Variants in NPAS2 observed in about 807,000 individuals in gnomAD.
NPAS2 encodes the protein neuronal PAS domain protein 2.
A neutral mutation model predicts 107.5 loss-of-function variants in NPAS2; 23 were observed. The observed-to-expected ratio is 0.21, with a 90% CI of 0.15 to 0.30. The LOEUF (loss-of-function observed/expected upper bound fraction) is 0.30. NPAS2 is among the 10% of genes least tolerant of loss of function. The probability of loss-of-function intolerance (pLI) is 1.00; values close to 1 mark genes in which losing one functional copy is unlikely to be tolerated. For missense variants in NPAS2, 756 were observed against 1,043.3 expected (o/e 0.72, Z 3.79); for synonymous variants, 403 against 417.5 (o/e 0.97, Z 0.42).
chr2:100,883,693 A>T (rs572203782), intron 1 of NPAS2, among the ~76,000 whole-genome samples: 9 of 152,218 alleles, frequency 5.9e-5, no homozygotes, highest in Admixed American at 3.9e-4. Context: ...ATTCTTGCCC[A>T]GAATAGTACA....
intron 1 of NPAS2, chr2:100,821,160 C>T: frequency 3.8e-6 from 5 of 1,304,744 alleles, no homozygotes; most frequent in Non-Finnish European, 4.0e-6. Flanking sequence ...AATTCAGAAC[C>T]AGTCCCGCTC....
At position 100,879,445 on chromosome 2, in the gene NPAS2, C is replaced by A. The variant is rs1288201897; in HGVS notation, c.-22-25288C>A. Reference sequence around the variant, plus strand: ...ATGTTACTCTAGCCTTGCTGACCCCCCCTCACCTGCTACTTTGTATCCTTT... The same window carrying A: ...ATGTTACTCTAGCCTTGCTGACCCCACCTCACCTGCTACTTTGTATCCTTT... On this transcript the variant is annotated intron_variant, in intron 1 of 20. Transcript: ENST00000335681. Among the ~76,000 whole-genome samples, 54 of 152,264 alleles carry A rather than the reference C, an allele frequency of 3.5e-4. 1 individual carries two copies. Among genetic ancestry groups the A allele is most frequent in the Admixed American group, 3.5e-3 (54 of 15,300 alleles).
In NPAS2 at chr2:100,995,836, G is replaced by T. The variant is rs1678418480; in HGVS notation, c.*254G>T. 1.3e-6 allele frequency: 2 copies of T among 1,534,232 alleles called. No homozygotes were observed. Among genetic ancestry groups the T allele is most frequent in the Non-Finnish European group, 1.8e-6 (2 of 1,137,082 alleles). On this transcript the variant is annotated 3_prime_UTR_variant, in exon 21 of 21. Coordinates refer to ENST00000335681, the MANE Select transcript of NPAS2 (RefSeq NM_002518.4). ...CTATAGCCATACTGGACAGGAACCA[G>T]GTGCCCCGTGTAGGCATCGTCGGTC... is the stretch of plus-strand genomic sequence containing the variant.
chr2:100,850,396 G>T (rs1326122088), intron 1 of NPAS2, among the ~76,000 whole-genome samples: 1 of 152,124 alleles, frequency 6.6e-6, no homozygotes, highest in African/African-American at 2.4e-5. Context: ...CTGGCAGAAG[G>T]CATTCATTCA....
intron 1 of NPAS2, among the ~76,000 whole-genome samples, chr2:100,872,250 T>C (rs186763384): frequency 6.6e-6 from 1 of 152,174 alleles, no homozygotes; most frequent in African/African-American, 2.4e-5. Flanking sequence ...GACTGCTTAG[T>C]TGGGAATCCT....
intron 2 of NPAS2, among the ~76,000 whole-genome samples, chr2:100,924,318 G>T (rs947278861): frequency 6.6e-6 from 1 of 152,186 alleles, no homozygotes; most frequent in African/African-American, 2.4e-5. Flanking sequence ...AGACAAATGT[G>T]TTGACACACA....
At chr2:100,863,525 TA>T (rs996808514) in intron 1 of NPAS2, among the ~76,000 whole-genome samples, 1 of 152,166 alleles carries the variant, frequency 6.6e-6, no homozygotes, top group African/African-American at 2.4e-5. Flanking sequence ...TTCAACATCC[TA>T]GAGGGATGTG....
At chr2:100,990,211 G>A (rs767621607) in intron 17 of NPAS2, 45 bp from the exon 18 acceptor site, 1 of 1,586,306 alleles carries the variant, frequency 6.3e-7, no homozygotes, top group Non-Finnish European at 8.6e-7. Context: ...AGATGGCCCA[G>A]GGTTGAGTCC....
In NPAS2 at chr2:100,859,987, A is replaced by G. The variant is rs62156105; in HGVS notation, c.-23+39573A>G. Among the ~76,000 whole-genome samples, 1,215 of 152,334 alleles carry G rather than the reference A, an allele frequency of 8.0e-3. 12 individuals carry two copies. Among genetic ancestry groups the G allele is most frequent in the Non-Finnish European group, 0.013 (864 of 68,032 alleles). On this transcript the variant is annotated intron_variant, in intron 1 of 20. Coordinates refer to ENST00000335681, the MANE Select transcript of NPAS2 (RefSeq NM_002518.4). Reference sequence around the variant, plus strand: ...AGGACACTTTCCTGTGTATGTATCCATGATTCAGTCATCAAAAGAAGGCAA... The same window carrying G: ...AGGACACTTTCCTGTGTATGTATCCGTGATTCAGTCATCAAAAGAAGGCAA...
chr2:100,946,350 T>TG (rs1444042503), intron 5 of NPAS2, among the ~76,000 whole-genome samples: 1 of 151,958 alleles, frequency 6.6e-6, no homozygotes, highest in African/African-American at 2.4e-5. Context: ...AAATCATCAG[T>TG]GGGGGTGGAG....
intron 1 of NPAS2, among the ~76,000 whole-genome samples, chr2:100,822,304 TA>T (rs1189987799): frequency 5.3e-5 from 8 of 152,240 alleles, no homozygotes. Context: ...AGATGATGAC[TA>T]AAGAATTGAT....
intron 1 of NPAS2, among the ~76,000 whole-genome samples, chr2:100,852,073 A>T (rs777145291): frequency 1.3e-5 from 2 of 152,158 alleles, no homozygotes; most frequent in African/African-American, 4.8e-5. Context: ...AGGTTCCAGC[A>T]GGTTAGATAA....
At chr2:100,837,713 G>A (rs1456414042) in intron 1 of NPAS2, among the ~76,000 whole-genome samples, 1 of 152,166 alleles carries the variant, frequency 6.6e-6, no homozygotes, top group African/African-American at 2.4e-5. Context: ...TAATCTGATT[G>A]AAGATAAATG....
At chr2:100,842,090 C>CACACACACACACAT (rs1558798504) in intron 1 of NPAS2, among the ~76,000 whole-genome samples, 4 of 151,790 alleles carry the variant, frequency 2.6e-5, no homozygotes, top group Non-Finnish European at 4.4e-5. Flanking sequence ...CGCACACACA[C>CACACACACACACAT]ACACACACAC....
intron 1 of NPAS2, among the ~76,000 whole-genome samples, chr2:100,833,187 G>T (rs949781540): frequency 3.9e-5 from 6 of 152,170 alleles, no homozygotes; most frequent in African/African-American, 1.4e-4. Flanking sequence ...ACAGCGCATG[G>T]CCCATAGCAG....
At chr2:100,970,205 C>T (rs1383922348) in intron 11 of NPAS2, among the ~76,000 whole-genome samples, 2 of 152,186 alleles carry the variant, frequency 1.3e-5, no homozygotes, top group Non-Finnish European at 2.9e-5. Context: ...GCCCAAGGGC[C>T]CCCTACCCCC....
chr2:100,880,681 G>GATTCAACAT (rs1198681278), intron 1 of NPAS2, among the ~76,000 whole-genome samples: 10 of 152,260 alleles, frequency 6.6e-5, no homozygotes, highest in African/African-American at 2.2e-4. Flanking sequence ...GAGAAAGGTG[G>GATTCAACAT]TAGTTGCACA....
chr2:100,982,613 G>A (rs762257981), intron 16 of NPAS2: 9 of 564,356 alleles, frequency 1.6e-5, no homozygotes, highest in Non-Finnish European at 1.6e-5. Context: ...ACTCTGACAG[G>A]CACATCTGCT....
chr2:100,855,037 G>A (rs376951336), intron 1 of NPAS2, among the ~76,000 whole-genome samples: 194 of 152,264 alleles, frequency 1.3e-3, no homozygotes, highest in Middle Eastern at 0.01. Context: ...TATGTTAGGT[G>A]AAATAAAGTG....
Sources: gnomAD v4.1 joint callset for allele counts (sites outside exome capture counted in the v4.1 genomes callset) on GRCh38, gnomAD v4.1.1 for gene constraint, MANE v1.5 for transcripts, NCBI Gene and HGNC (gene_info 2026-07-23, HGNC 2026-07-21) for gene names.